WWOX: variants seen among roughly 807,000 people sequenced by gnomAD.
WWOX encodes the protein WW domain-containing oxidoreductase.
In WWOX, 69 loss-of-function variants were observed where a neutral mutation model predicts 46.2. That is an observed-to-expected ratio of 1.49 (90% CI 1.23 to 1.82). The LOEUF (loss-of-function observed/expected upper bound fraction) is 1.82, where lower values mean the gene tolerates loss of function less well. WWOX is among the 40% of genes most tolerant of loss of function. WWOX has a pLI of 0.00. For synonymous variants in WWOX, 359 were observed against 202.6 expected (o/e 1.77, Z -6.56); for missense variants, 919 against 542.6 (o/e 1.69, Z -6.89).
chr16:78,889,251 C>G lies in WWOX; in HGVS notation c.1057-322357C>G, dbSNP rs148108962. 2.0e-3 allele frequency among the ~76,000 whole-genome samples: 304 copies of G among 152,262 alleles called. 3 individuals are homozygous for G. Among genetic ancestry groups the G allele is most frequent in the African/African-American group, 7.0e-3 (291 of 41,560 alleles). On this transcript the variant is annotated intron_variant, in intron 8 of 8. Coordinates refer to ENST00000566780, the MANE Select transcript of WWOX (RefSeq NM_016373.4). ...TTATTAAAATACAGCTCCACTCATT[C>G]ATTTATATATTGTTCATATCTAATT...
chr16:78,881,856 C>G (rs2044349442), intron 8 of WWOX, among the ~76,000 whole-genome samples: 2 of 152,190 alleles, frequency 1.3e-5, no homozygotes, highest in South Asian at 2.1e-4. Flanking sequence ...GGCACGGTGG[C>G]TCATGCCTGT....
intron 6 of WWOX, among the ~76,000 whole-genome samples, chr16:78,406,354 ATT>A (rs1352162395): frequency 6.8e-4 from 45 of 66,536 alleles, no homozygotes; most frequent in Admixed American, 3.1e-3. Context: ...ATATATATAT[ATT>A]TTATTATTTT....
chr16:78,925,950 A>G lies in WWOX; in HGVS notation c.1057-285658A>G, dbSNP rs551284775. Among the ~76,000 whole-genome samples, 13 of 152,324 alleles carry G rather than the reference A, an allele frequency of 8.5e-5. 1 individual carries two copies. The East Asian group carries it at 2.3e-3, about 27-fold the overall frequency. ...TTTCAGACCATGAATGCGATTGGGC[A>G]GAAAGACTGTGAACCAAGAGGGCAG... On this transcript the variant is annotated intron_variant, in intron 8 of 8. Transcript: ENST00000566780.
intron 8 of WWOX, among the ~76,000 whole-genome samples, chr16:78,911,201 A>G (rs1488783187): frequency 6.6e-6 from 1 of 151,876 alleles, no homozygotes; most frequent in Non-Finnish European, 1.5e-5. Context: ...CCAGTTATCA[A>G]AAAGGATCTT....
chr16:78,889,406 C>G (rs975827077), intron 8 of WWOX, among the ~76,000 whole-genome samples: 1 of 134,874 alleles, frequency 7.4e-6, no homozygotes, highest in Non-Finnish European at 1.5e-5. Context: ...AAACTGGGTC[C>G]CCCATCTAAG....
chr16:78,575,031 ATATATATATATATAT>A, intron 8 of WWOX, among the ~76,000 whole-genome samples: 1 of 1,754 alleles, frequency 5.7e-4, no homozygotes, highest in African/African-American at 2.7e-3. Flanking sequence ...AAATATATAT[ATATATATATATATAT>A]ATATATATAT....
chr16:78,486,552 G>A (rs1173434150), intron 8 of WWOX, among the ~76,000 whole-genome samples: 1 of 124,880 alleles, frequency 8.0e-6, no homozygotes, highest in African/African-American at 4.0e-5. Context: ...GTGTTTAATT[G>A]ACTTCCAGTT....
At chr16:78,689,455 G>A (rs1567492705) in intron 8 of WWOX, among the ~76,000 whole-genome samples, 1 of 152,164 alleles carries the variant, frequency 6.6e-6, no homozygotes, top group Non-Finnish European at 1.5e-5. Context: ...CTTTAGCTCA[G>A]CTCCTCAGAG....
At chr16:78,601,812 A>C (rs961810408) in intron 8 of WWOX, among the ~76,000 whole-genome samples, 2 of 152,190 alleles carry the variant, frequency 1.3e-5, no homozygotes, top group East Asian at 1.9e-4. Flanking sequence ...GAGTAGGGAA[A>C]GGTGACATTC....
At chr16:79,063,886 A>G (rs1431791769) in intron 8 of WWOX, among the ~76,000 whole-genome samples, 1 of 152,212 alleles carries the variant, frequency 6.6e-6, no homozygotes, top group African/African-American at 2.4e-5. Context: ...TAAAGTAGGA[A>G]TTGTCAAAGA....
chr16:78,651,083 C>T (rs768521403), intron 8 of WWOX, among the ~76,000 whole-genome samples: 7 of 152,302 alleles, frequency 4.6e-5, no homozygotes, highest in African/African-American at 7.2e-5. Context: ...GTTGTATTCA[C>T]GAGGAGGTTA....
At position 78,346,544 on chromosome 16, in the gene WWOX, A is replaced by G. The variant is rs1474725774; in HGVS notation, c.517-40316A>G. On this transcript the variant is annotated intron_variant, in intron 5 of 8. Transcript: ENST00000566780. ...CAGTGTTTAAGGATCCACTTCCTCT[A>G]CATCCTTAATAATACTTGATATTAT... Among the ~76,000 whole-genome samples, 2 of 120,268 alleles carry G rather than the reference A, an allele frequency of 1.7e-5. 1 individual carries two copies. The highest frequency in any genetic ancestry group is 5.6e-5 in the African/African-American group (2 of 35,474). 78.9% of individuals were successfully genotyped at this position (120,268 alleles called of 152,430 possible). A position where few individuals can be genotyped will look rare whatever the true frequency, so the allele number is the denominator to read the frequency against.
At chr16:78,854,004 A>C (rs1355238785) in intron 8 of WWOX, among the ~76,000 whole-genome samples, 1 of 152,244 alleles carries the variant, frequency 6.6e-6, no homozygotes, top group South Asian at 2.1e-4. Context: ...AGAGGAAATG[A>C]AAAATAAAAT....
chr16:79,035,817 A>G (rs766123110), intron 8 of WWOX, among the ~76,000 whole-genome samples: 1 of 152,180 alleles, frequency 6.6e-6, no homozygotes, highest in Non-Finnish European at 1.5e-5. Context: ...ACGGTGGCCA[A>G]GTTGGTGCTG....
intron 8 of WWOX, among the ~76,000 whole-genome samples, chr16:78,694,052 T>C (rs893041841): frequency 2.0e-5 from 3 of 152,006 alleles, no homozygotes; most frequent in Admixed American, 6.6e-5. Context: ...GCCAACATGG[T>C]GAAACCCTGT....
At chr16:78,811,894 C>A (rs1293257651) in intron 8 of WWOX, among the ~76,000 whole-genome samples, 1 of 152,144 alleles carries the variant, frequency 6.6e-6, no homozygotes, top group African/African-American at 2.4e-5. Flanking sequence ...CTTACTGAGT[C>A]ATGAGCATAA....
chr16:78,172,308 G>A (rs867095961), intron 5 of WWOX, among the ~76,000 whole-genome samples: 4 of 152,108 alleles, frequency 2.6e-5, no homozygotes, highest in African/African-American at 4.8e-5. Flanking sequence ...CTTCCTTTTC[G>A]AGTAGTATAT....
Position 78,432,638 on chromosome 16 carries a change from C to G in WWOX, c.942C>G (p.Arg314=). The change falls in exon 8 of 9, where the codon CGC becomes CGG. Residue 314 remains arginine (R), a synonymous_variant. Coordinates refer to ENST00000566780, the MANE Select transcript of WWOX (RefSeq NM_016373.4). ...AGCTGCACCGTCGCCTCTCCCCACG[C>G]GGGGTCACGTCGAACGCAGTGCATC... ...SNELHRRLSP[R]GVTSNAVHPG... 6.2e-7 allele frequency: 1 copy of G among 1,614,214 alleles called. No individual in the cohort carries two copies. Among genetic ancestry groups the G allele is most frequent in the Non-Finnish European group, 8.5e-7 (1 of 1,180,050 alleles).
At chr16:79,145,841 A>C (rs997257478) in intron 8 of WWOX, among the ~76,000 whole-genome samples, 1 of 152,222 alleles carries the variant, frequency 6.6e-6, no homozygotes, top group Non-Finnish European at 1.5e-5. Context: ...CATTCAAAAT[A>C]TTAACACAAC....
Sources: allele counts gnomAD v4.1 joint callset (sites outside exome capture counted in the v4.1 genomes callset), GRCh38; gene constraint gnomAD v4.1.1; transcripts MANE v1.5; gene names NCBI Gene and HGNC (gene_info 2026-07-23, HGNC 2026-07-21).